The following FAM120B variants were observed in gnomAD, a reference collection of about 807,000 sequenced individuals.
FAM120B encodes the protein family with sequence similarity 120 member B.
A neutral mutation model predicts 96.3 loss-of-function variants in FAM120B; 83 were observed. That is an observed-to-expected ratio of 0.86 (90% CI 0.72 to 1.03). The LOEUF (loss-of-function observed/expected upper bound fraction) is 1.03, where lower values mean the gene tolerates loss of function less well. Among genes scored for constraint, FAM120B ranks in the 50% least tolerant of loss-of-function variants. FAM120B has a pLI of 0.00. For missense variants in FAM120B, 1,027 were observed against 1,121.2 expected, an observed-to-expected ratio of 0.92 and a Z score of 1.20; for synonymous variants, 407 against 402.7, an observed-to-expected ratio of 1.01 and a Z score of -0.13.
chr6:170,293,297 G>A (rs1236821740), upstream of FAM120B, among the ~76,000 whole-genome samples: 1 of 152,042 alleles, frequency 6.6e-6, no homozygotes, highest in Non-Finnish European at 1.5e-5. Context: ...GTAGATTTCA[G>A]TAAGAAATGA....
At chr6:170,397,607 C>G (rs569680265) in intron 9 of FAM120B, among the ~76,000 whole-genome samples, 10 of 152,242 alleles carry the variant, frequency 6.6e-5, no homozygotes, top group Admixed American at 3.3e-4. Flanking sequence ...GCAGACCGAC[C>G]ACATCCAGCT....
At chr6:170,298,515 TTTC>T (rs1233442705) in intron 1 of FAM120B, 5 of 138,910 alleles carry the variant, frequency 3.6e-5, no homozygotes, top group Admixed American at 7.2e-5. Context: ...GATGCAATAT[TTTC>T]TTTTTTTTTT....
chr6:170,374,407 G>A (rs1583286600), intron 6 of FAM120B, among the ~76,000 whole-genome samples: 1 of 152,198 alleles, frequency 6.6e-6, no homozygotes, highest in South Asian at 2.1e-4. Flanking sequence ...GAACTGGTGT[G>A]GACCCAGCAA....
chr6:170,368,825 G>GGC (rs1554287955), intron 6 of FAM120B, among the ~76,000 whole-genome samples: 12 of 136,352 alleles, frequency 8.8e-5, no homozygotes, highest in Non-Finnish European at 1.5e-4. Flanking sequence ...GGGGCTGGGG[G>GGC]GGGGGCTCCC....
chr6:170,345,201 T>C (rs1233662234), intron 4 of FAM120B, among the ~76,000 whole-genome samples: 1 of 152,210 alleles, frequency 6.6e-6, no homozygotes, highest in Non-Finnish European at 1.5e-5. Flanking sequence ...AAGTTTTGTT[T>C]ATAAGTGTCC....
At chr6:170,310,208 C>T (rs1784510140) in intron 1 of FAM120B, among the ~76,000 whole-genome samples, 1 of 152,190 alleles carries the variant, frequency 6.6e-6, no homozygotes, top group Non-Finnish European at 1.5e-5. Flanking sequence ...GTTTATGCTG[C>T]ATCAGCCTCT....
chr6:170,320,123 A>T (rs781529548), intron 2 of FAM120B, among the ~76,000 whole-genome samples: 8 of 152,190 alleles, frequency 5.3e-5, no homozygotes, highest in Non-Finnish European at 8.8e-5. Context: ...CAAGTTCTAA[A>T]CCAAACTTAA....
At chr6:170,330,159 C>T (rs895539620) in intron 3 of FAM120B, among the ~76,000 whole-genome samples, 4 of 152,178 alleles carry the variant, frequency 2.6e-5, no homozygotes, top group Admixed American at 6.5e-5. Flanking sequence ...GGAAAGACAT[C>T]GTAGGAGTCA....
At chr6:170,376,483 TG>T (rs958348039) in intron 6 of FAM120B, among the ~76,000 whole-genome samples, 4 of 60,982 alleles carry the variant, frequency 6.6e-5, no homozygotes, top group African/African-American at 1.9e-4. Context: ...AACACGGGGG[TG>T]GGGGGGAGGC....
intron 2 of FAM120B, among the ~76,000 whole-genome samples, chr6:170,321,860 T>C (rs531899154): frequency 6.6e-6 from 1 of 152,338 alleles, no homozygotes; most frequent in Admixed American, 6.5e-5. Flanking sequence ...CTGAAGCCTA[T>C]GAATAATGAA....
At chr6:170,402,442 TTAG>T (rs1281303959) in intron 9 of FAM120B, among the ~76,000 whole-genome samples, 2 of 152,246 alleles carry the variant, frequency 1.3e-5, no homozygotes, top group Admixed American at 1.3e-4. Context: ...CCAAAGTGAG[TTAG>T]TAGCTCTTCC....
intron 2 of FAM120B, among the ~76,000 whole-genome samples, chr6:170,322,271 C>T (rs146058693): frequency 2.7e-4 from 41 of 152,316 alleles, no homozygotes; most frequent in African/African-American, 9.1e-4. Flanking sequence ...GCTTCTAACA[C>T]TAAGCAGCTT....
At chr6:170,328,743 C>T (rs1268279910) in intron 3 of FAM120B, among the ~76,000 whole-genome samples, 2 of 152,092 alleles carry the variant, frequency 1.3e-5, no homozygotes, top group African/African-American at 2.4e-5. Flanking sequence ...TCCTCTGGGC[C>T]ATTTGTTGAC....
chr6:170,392,244 G>A (rs946448852), intron 8 of FAM120B, among the ~76,000 whole-genome samples: 5 of 152,120 alleles, frequency 3.3e-5, no homozygotes, highest in African/African-American at 1.2e-4. Flanking sequence ...TTTCACTCTT[G>A]TTGCCCAGGC....
At chr6:170,397,524 G>C (rs937136310) in intron 9 of FAM120B, among the ~76,000 whole-genome samples, 1 of 152,126 alleles carries the variant, frequency 6.6e-6, no homozygotes, top group Admixed American at 6.5e-5. Flanking sequence ...CCCCGACCGA[G>C]AAGCTTGACC....
chr6:170,389,123 G>T (rs111654321), intron 7 of FAM120B, among the ~76,000 whole-genome samples: 4 of 152,298 alleles, frequency 2.6e-5, no homozygotes, highest in African/African-American at 9.6e-5. Flanking sequence ...AGATTCGAGT[G>T]TAAGTGATCT....
chr6:170,395,055 G>C (rs190339401), intron 8 of FAM120B, among the ~76,000 whole-genome samples: 1 of 152,228 alleles, frequency 6.6e-6, no homozygotes, highest in Non-Finnish European at 1.5e-5. Flanking sequence ...TTTAAAGCAC[G>C]AAAAGTGTGT....
Position 170,363,800 on chromosome 6 carries a change from T to C in FAM120B, c.2283+5482T>C, listed in dbSNP as rs1788609833. Among the ~76,000 whole-genome samples the C allele has an allele frequency of 6.6e-6, 1 of 152,216 alleles. No individual in the cohort carries two copies. Among genetic ancestry groups the C allele is most frequent in the South Asian group, 2.1e-4 (1 of 4,830 alleles). ...GTTTTTTTTAGACAGAGTCTCACCC[T>C]GTCACCCAGGCTAGAGTGCAGTGGC... On this transcript the variant is annotated intron_variant, in intron 6 of 10. Transcript: ENST00000476287. The surrounding 1 kb of genome is among the most constrained non-coding windows in gnomAD (Gnocchi z 4.5).
At chr6:170,316,560 A>G (rs1214490592) in intron 1 of FAM120B, among the ~76,000 whole-genome samples, 1 of 152,222 alleles carries the variant, frequency 6.6e-6, no homozygotes, top group African/African-American at 2.4e-5. Flanking sequence ...TTCTAACTGT[A>G]AACTACTTTG....
Sources: gnomAD v4.1 joint callset for allele counts (sites outside exome capture counted in the v4.1 genomes callset) on GRCh38, gnomAD v4.1.1 for gene constraint, Gnocchi (gnomAD v3.1) non-coding constraint, MANE v1.5 for transcripts, NCBI Gene and HGNC (gene_info 2026-07-23, HGNC 2026-07-21) for gene names.